Variants in SKI observed in about 807,000 individuals in gnomAD.
SKI encodes SKI proto-oncogene, also known as ski oncogene.
A neutral mutation model predicts 59.3 loss-of-function variants in SKI; 23 were observed. That is an observed-to-expected ratio of 0.39 (90% CI 0.28 to 0.55). The LOEUF is 0.55. Among genes scored for constraint, SKI ranks in the 20% least tolerant of loss-of-function variants. SKI has a pLI of 0.67. For missense variants in SKI, 1,017 were observed against 1,038.9 expected (o/e 0.98, Z 0.29); for synonymous variants, 673 against 488.6 (o/e 1.38, Z -4.98).
Position 2,306,035 on chromosome 1 carries a change from C to G in SKI, c.1783C>G (p.Arg595Gly), listed in dbSNP as rs762750773. The G allele has an allele frequency of 6.3e-7, 1 of 1,586,064 alleles. No homozygotes were observed. Among genetic ancestry groups the G allele is most frequent in the South Asian group, 1.2e-5 (1 of 86,760 alleles). The change falls in exon 6 of 7, where the codon CGC (arginine) becomes GGC (glycine). Residue 595 changes from arginine to glycine, a missense_variant. Physicochemically the swap from Arg to Gly is moderately radical, Grantham distance 125 (BLOSUM62 -2). Transcript: ENST00000378536. Reference protein sequence around the residue: ...RSLHQELEFLRVAKKEKLREA... With the variant: ...RSLHQELEFLGVAKKEKLREA... The stretch of plus-strand genomic sequence containing the variant: ...CGGCCCCCAGGAGCTGGAGTTCCTA[C>G]GCGTGGCCAAGAAGGAGAAGCTGCG...
At chr1:2,255,988 C>T (rs1639265618) in intron 1 of SKI, among the ~76,000 whole-genome samples, 1 of 151,568 alleles carries the variant, frequency 6.6e-6, no homozygotes, top group Admixed American at 6.6e-5. Context: ...TTTGTCCTGA[C>T]CTCATTTCCT....
chr1:2,237,631 T>C (rs1030164911), intron 1 of SKI, among the ~76,000 whole-genome samples: 9 of 152,242 alleles, frequency 5.9e-5, no homozygotes, highest in Non-Finnish European at 7.3e-5. Flanking sequence ...TGATGCAGGC[T>C]TTCTCTGCCG....
chr1:2,305,104 G>A (rs540137988), intron 5 of SKI, among the ~76,000 whole-genome samples: 13 of 152,318 alleles, frequency 8.5e-5, no homozygotes, highest in African/African-American at 2.6e-4. Context: ...CAGGCCTCCC[G>A]AGTAGGAAGG....
At chr1:2,259,240 CTGAG>C (rs1639333991) in intron 1 of SKI, among the ~76,000 whole-genome samples, 2 of 152,308 alleles carry the variant, frequency 1.3e-5, no homozygotes, top group Admixed American at 1.3e-4. Flanking sequence ...AGCAGAAAGG[CTGAG>C]TAGGTGCGAG....
chr1:2,277,342 T>C (rs1639764516), intron 1 of SKI, among the ~76,000 whole-genome samples: 1 of 152,158 alleles, frequency 6.6e-6, no homozygotes, highest in African/African-American at 2.4e-5. Flanking sequence ...TCTCCAAGAA[T>C]TTCCATGTGT....
chr1:2,257,335 A>G (rs748503449), intron 1 of SKI, among the ~76,000 whole-genome samples: 24 of 152,256 alleles, frequency 1.6e-4, no homozygotes, highest in African/African-American at 4.1e-4. Context: ...TGACGTGCCA[A>G]TGGCTGCAAG....
chr1:2,251,996 A>ACGCGC (rs1639161299), intron 1 of SKI, among the ~76,000 whole-genome samples: 1 of 151,908 alleles, frequency 6.6e-6, no homozygotes, highest in African/African-American at 2.4e-5. Context: ...CTGTGCCCAG[A>ACGCGC]CGCGCCGTGG....
At chr1:2,249,715 C>T (rs555040668) in intron 1 of SKI, among the ~76,000 whole-genome samples, 12 of 152,338 alleles carry the variant, frequency 7.9e-5, no homozygotes, top group Admixed American at 4.6e-4. Flanking sequence ...ACTCACTGGC[C>T]GCGGCCTCAT....
At chr1:2,299,407 T>TGTGCAGACTGG (rs1265775698) in intron 1 of SKI, among the ~76,000 whole-genome samples, 4 of 152,172 alleles carry the variant, frequency 2.6e-5, no homozygotes, top group African/African-American at 9.7e-5. Flanking sequence ...TGTTAGGACA[T>TGTGCAGACTGG]GTGCAGACTG....
At position 2,247,995 on chromosome 1, in the gene SKI, C is replaced by CG. The variant is rs542847867; in HGVS notation, c.969+18267dup. 224 of 152,456 alleles carry CG rather than the reference C, an allele frequency of 1.5e-3. 1 individual carries two copies. In the South Asian group the frequency reaches 0.02, roughly 14 times the overall value. 9.4% of individuals were successfully genotyped at this position (152,456 alleles called of 1,614,324 possible). A position where few individuals can be genotyped will look rare whatever the true frequency, so the allele number is the denominator to read the frequency against. ...ACTTGTTTGGCTCTGCTGGTGGTGACGGGGGGGCGCGGTGGCGGGGGGCCT... is the reference window on the plus strand; with the variant it reads ...ACTTGTTTGGCTCTGCTGGTGGTGACGGGGGGGGCGCGGTGGCGGGGGGCCT... On this transcript the variant is annotated intron_variant, in intron 1 of 6. Transcript: ENST00000378536.
Position 2,303,530 on chromosome 1 carries a change from G to A in SKI, c.1211+130G>A, listed in dbSNP as rs1640480999. Reference sequence around the variant, plus strand: ...CCGCCTTTTGGTCAGGGCAGTCTCGGTGTTGGTTCCTTTGGCTGGCATCAG... The same window carrying A: ...CCGCCTTTTGGTCAGGGCAGTCTCGATGTTGGTTCCTTTGGCTGGCATCAG... On this transcript the variant is annotated intron_variant, in intron 3 of 6. Coordinates refer to ENST00000378536, the MANE Select transcript of SKI (RefSeq NM_003036.4). The surrounding 1 kb of genome is among the most constrained non-coding windows in gnomAD (Gnocchi z 5.6). 4 of 833,654 alleles carry A rather than the reference G, an allele frequency of 4.8e-6. No homozygotes were observed. Among genetic ancestry groups the A allele is most frequent in the South Asian group, 4.7e-5 (3 of 63,170 alleles). The allele number at this position is 833,654 out of a possible 1,614,324, so 51.6% of individuals were successfully genotyped here. A position where few individuals can be genotyped will look rare whatever the true frequency, so the allele number is the denominator to read the frequency against.
intron 1 of SKI, among the ~76,000 whole-genome samples, chr1:2,296,822 G>A (rs1304178123): frequency 6.6e-6 from 1 of 152,144 alleles, no homozygotes; most frequent in Non-Finnish European, 1.5e-5. Flanking sequence ...CTGGACTGAG[G>A]CCGCCACGTT....
chr1:2,306,248 C>G lies in SKI; in HGVS notation c.1996C>G (p.Gln666Glu), dbSNP rs1355489950. ...AGRLRAKYSA[Q>E]IEDLQVKLQH... is the part of the protein sequence containing the mutation. ...CCGCCTGCGCGCCAAGTACTCGGCCCAGGTATGCGGGTGGGGAGACTGAGG... is the reference window on the plus strand; with the variant it reads ...CCGCCTGCGCGCCAAGTACTCGGCCGAGGTATGCGGGTGGGGAGACTGAGG... Residue 666 changes from glutamine (Q) to glutamate (E), a missense_variant and splice_region_variant, in exon 6 of 7, where the codon CAG becomes GAG. Gln to Glu is a conservative substitution (Grantham distance 29). Transcript: ENST00000378536. 46 of 1,551,476 alleles carry G rather than the reference C, an allele frequency of 3.0e-5. No homozygotes were observed. The highest frequency in any genetic ancestry group is 3.9e-5 in the Non-Finnish European group (45 of 1,148,428).
chr1:2,230,789 G>A (rs998705296), intron 1 of SKI, among the ~76,000 whole-genome samples: 3 of 152,160 alleles, frequency 2.0e-5, no homozygotes, highest in African/African-American at 7.2e-5. Context: ...TTCTTGGGAG[G>A]CCTAATTAAT....
chr1:2,296,653 G>A (rs907968473), intron 1 of SKI, among the ~76,000 whole-genome samples: 4 of 151,876 alleles, frequency 2.6e-5, no homozygotes, highest in Admixed American at 2.0e-4. Context: ...GGGTTTGCAC[G>A]TTTTCCCTTG....
chr1:2,268,440 G>T lies in SKI; in HGVS notation c.970-34538G>T, dbSNP rs923124698. On this transcript the variant is annotated intron_variant, in intron 1 of 6. Coordinates refer to ENST00000378536, the MANE Select transcript of SKI (RefSeq NM_003036.4). The surrounding 1 kb of genome is among the most constrained non-coding windows in gnomAD (Gnocchi z 5.0). The stretch of plus-strand genomic sequence containing the variant: ...CGCTGATGGAGGGCCTCTTGTTAAG[G>T]GGGCACGGTAGTGAGTCAGGTGCCC... Among the ~76,000 whole-genome samples the T allele has an allele frequency of 3.3e-5, 5 of 152,168 alleles. No homozygotes were observed. The highest frequency in any genetic ancestry group is 1.2e-4 in the African/African-American group (5 of 41,436).
chr1:2,276,578 T>A (rs1639748295), intron 1 of SKI, among the ~76,000 whole-genome samples: 1 of 152,224 alleles, frequency 6.6e-6, no homozygotes, highest in Non-Finnish European at 1.5e-5. Flanking sequence ...GACAGAATTG[T>A]GCATGGATGG....
chr1:2,293,426 G>GC (rs1470268025), intron 1 of SKI, among the ~76,000 whole-genome samples: 4 of 92,620 alleles, frequency 4.3e-5, no homozygotes, highest in Admixed American at 1.2e-4. Flanking sequence ...GCCAGGGCGA[G>GC]GCCCCCCCCC....
intron 1 of SKI, among the ~76,000 whole-genome samples, chr1:2,280,632 G>T (rs1466930051): frequency 7.0e-6 from 1 of 142,898 alleles, no homozygotes; most frequent in Admixed American, 6.9e-5. Context: ...AGGCGGCGGC[G>T]GCGATCTTCA....
Sources: gnomAD v4.1 joint callset for allele counts (sites outside exome capture counted in the v4.1 genomes callset) on GRCh38, gnomAD v4.1.1 for gene constraint, Gnocchi (gnomAD v3.1) non-coding constraint, MANE v1.5 for transcripts, NCBI Gene and HGNC (gene_info 2026-07-23, HGNC 2026-07-21) for gene names.